TBXAS1: variants seen among roughly 807,000 people sequenced by gnomAD.
TBXAS1 encodes the protein thromboxane-A synthase.
In TBXAS1, 48 loss-of-function variants were observed where a neutral mutation model predicts 60.7. The observed-to-expected ratio is 0.79, with a 90% CI of 0.63 to 1.01. The LOEUF (loss-of-function observed/expected upper bound fraction) is 1.01, where lower values mean the gene tolerates loss of function less well. Ranked by LOEUF, TBXAS1 falls within the 50% of genes least tolerant of loss-of-function variation. The pLI is 0.00. For missense variants in TBXAS1, 685 were observed against 686.3 expected (o/e 1.00, Z 0.02); for synonymous variants, 287 against 269.7 (o/e 1.06, Z -0.63).
chr7:139,848,056 AG>A (rs1161108350), intron 1 of TBXAS1, among the ~76,000 whole-genome samples: 1 of 152,152 alleles, frequency 6.6e-6, no homozygotes, highest in Non-Finnish European at 1.5e-5. Context: ...CTTGGCCTCA[AG>A]TGACCCTCCT....
At chr7:139,953,697 T>G (rs1809600083) in intron 6 of TBXAS1, among the ~76,000 whole-genome samples, 1 of 152,096 alleles carries the variant, frequency 6.6e-6, no homozygotes, top group Non-Finnish European at 1.5e-5. Context: ...CCCTCTGACC[T>G]CCACAGACCC....
At chr7:139,904,970 T>C (rs1241430695) in intron 3 of TBXAS1, among the ~76,000 whole-genome samples, 2 of 151,964 alleles carry the variant, frequency 1.3e-5, no homozygotes, top group Non-Finnish European at 2.9e-5. Flanking sequence ...CCTCCCTCCC[T>C]ACCTTTCTTT....
At chr7:139,870,077 A>T (rs1265195937) in intron 1 of TBXAS1, among the ~76,000 whole-genome samples, 1 of 152,210 alleles carries the variant, frequency 6.6e-6, no homozygotes, top group African/African-American at 2.4e-5. Context: ...ATTTGAGTCG[A>T]GGCTACAAAT....
intron 9 of TBXAS1, among the ~76,000 whole-genome samples, chr7:139,997,371 G>A (rs1260483457): frequency 6.6e-6 from 1 of 152,146 alleles, no homozygotes; most frequent in Admixed American, 6.5e-5. Context: ...AGTCAGCTGT[G>A]AATGTTCCAT....
chr7:139,785,853 A>G (rs372973138), intron 3 of TBXAS1, among the ~76,000 whole-genome samples: 1 of 149,518 alleles, frequency 6.7e-6, no homozygotes, highest in African/African-American at 2.6e-5. Flanking sequence ...GTCTTTGTAC[A>G]TGCCAGCCTC....
chr7:139,908,375 A>G (rs747561823), intron 3 of TBXAS1, among the ~76,000 whole-genome samples: 1 of 151,976 alleles, frequency 6.6e-6, no homozygotes. Flanking sequence ...ATTCACCATT[A>G]TAGTAGTGTA....
intron 1 of TBXAS1, among the ~76,000 whole-genome samples, chr7:139,847,883 G>A (rs1799922930): frequency 6.6e-6 from 1 of 152,158 alleles, no homozygotes; most frequent in South Asian, 2.1e-4. Flanking sequence ...GTGCAGTGGT[G>A]CAATCATAGC....
At chr7:139,948,564 A>G (rs1268838334) in intron 5 of TBXAS1, among the ~76,000 whole-genome samples, 1 of 152,240 alleles carries the variant, frequency 6.6e-6, no homozygotes, top group African/African-American at 2.4e-5. Flanking sequence ...TATAAGTGTA[A>G]TACATGTGCA....
At position 140,010,960 on chromosome 7, in the gene TBXAS1, C is replaced by G. The variant is rs149419726; in HGVS notation, c.1226+3778C>G. Among the ~76,000 whole-genome samples the G allele has an allele frequency of 2.7e-5, 4 of 149,204 alleles. No homozygotes were observed. In the South Asian group the frequency reaches 8.5e-4, roughly 32 times the overall value. On this transcript the variant is annotated intron_variant, in intron 10 of 12. Coordinates refer to ENST00000448866, the MANE Select transcript of TBXAS1 (RefSeq NM_001061.7). ...ATATTGCCAAAATAGCATGCTTATA[C>G]AAACAAAACAAAACCAAAAAAAAAA...
At chr7:139,871,251 T>C (rs1231885631) in intron 1 of TBXAS1, among the ~76,000 whole-genome samples, 2 of 152,212 alleles carry the variant, frequency 1.3e-5, no homozygotes, top group African/African-American at 4.8e-5. Flanking sequence ...ATAGCAGTAA[T>C]AGTTTGAGTT....
chr7:139,806,419 T>C lies in TBXAS1; in HGVS notation c.-80+18993T>C, dbSNP rs909664298. On this transcript the variant is annotated intron_variant, in intron 4 of 16. Coordinates refer to the TBXAS1 transcript ENST00000336425. ...CTGGGATTACAGGCGCGCTCTACCA[T>C]ACCCAGCTAATTTTTGTATTTTTAG... is the stretch of plus-strand genomic sequence containing the variant. Among the ~76,000 whole-genome samples the C allele has an allele frequency of 7.9e-5, 12 of 151,406 alleles. 1 individual carries two copies. Among genetic ancestry groups the C allele is most frequent in the Admixed American group, 7.9e-4 (12 of 15,186 alleles).
At chr7:139,837,325 G>A (rs1283030396) in intron 1 of TBXAS1, among the ~76,000 whole-genome samples, 1 of 152,174 alleles carries the variant, frequency 6.6e-6, no homozygotes, top group African/African-American at 2.4e-5. Flanking sequence ...CTACCCAAAG[G>A]AAAAGAAGTC....
In TBXAS1 at chr7:139,999,860, T is replaced by G. The variant is rs1008277544; in HGVS notation, c.1135-7231T>G. On this transcript the variant is annotated intron_variant, in intron 9 of 12. Transcript: ENST00000448866. This position sits in a 1 kb window ranked among gnomAD's most constrained non-coding sequence, Gnocchi z 4.3. ...TCTGAAGAAGAAAACTGAAGCCACC[T>G]CTGCTTCTATTTCCTTTAACAACAT... is the stretch of plus-strand genomic sequence containing the variant. 2.0e-5 allele frequency among the ~76,000 whole-genome samples: 3 copies of G among 152,208 alleles called. No individual in the cohort carries two copies. The highest frequency in any genetic ancestry group is 7.2e-5 in the African/African-American group (3 of 41,450).
chr7:139,783,832 CTT>C (rs1442156291), intron 3 of TBXAS1, among the ~76,000 whole-genome samples: 1 of 152,142 alleles, frequency 6.6e-6, no homozygotes, highest in Non-Finnish European at 1.5e-5. Flanking sequence ...AGGACTGACT[CTT>C]TGCTCTGAGG....
intron 2 of TBXAS1, among the ~76,000 whole-genome samples, chr7:139,781,855 AAAAAAGGC>A (rs1213020348): frequency 2.7e-5 from 4 of 146,742 alleles, no homozygotes; most frequent in African/African-American, 7.4e-5. Context: ...AAAAAAAAAA[AAAAAAGGC>A]AGAAAGGCAT....
intron 10 of TBXAS1, among the ~76,000 whole-genome samples, chr7:140,008,641 G>T (rs1038963482): frequency 6.6e-6 from 1 of 151,986 alleles, no homozygotes; most frequent in African/African-American, 2.4e-5. Context: ...TAGAGACGGG[G>T]TTTCACCACG....
At chr7:139,943,885 A>C (rs1458046452) in intron 5 of TBXAS1, among the ~76,000 whole-genome samples, 3 of 152,156 alleles carry the variant, frequency 2.0e-5, no homozygotes, top group Non-Finnish European at 4.4e-5. Flanking sequence ...TTAAAAAAAA[A>C]CCCAGAAATA....
chr7:139,915,627 G>A (rs1805906806), intron 4 of TBXAS1, among the ~76,000 whole-genome samples: 1 of 152,168 alleles, frequency 6.6e-6, no homozygotes, highest in African/African-American at 2.4e-5. Context: ...TTGGGAAGCT[G>A]GATTTAGCTC....
chr7:139,834,964 T>G (rs1179743253), intron 1 of TBXAS1, among the ~76,000 whole-genome samples: 1 of 152,000 alleles, frequency 6.6e-6, no homozygotes, highest in African/African-American at 2.4e-5. Context: ...CCTAACTCAT[T>G]CTATGAAGCC....
Sources: gnomAD v4.1 joint callset for allele counts (sites outside exome capture counted in the v4.1 genomes callset) on GRCh38, gnomAD v4.1.1 for gene constraint, Gnocchi (gnomAD v3.1) non-coding constraint, MANE v1.5 for transcripts, NCBI Gene and HGNC (gene_info 2026-07-23, HGNC 2026-07-21) for gene names.